The following CTNNA3 variants were observed in gnomAD, a reference collection of about 807,000 sequenced individuals.
The protein encoded by CTNNA3 is catenin alpha 3, also known as catenin alpha-3.
In CTNNA3, 76 loss-of-function variants were observed where a neutral mutation model predicts 95.7. That is an observed-to-expected ratio of 0.79 (90% CI 0.66 to 0.96). The LOEUF (loss-of-function observed/expected upper bound fraction) is 0.96, where lower values mean the gene tolerates loss of function less well. Among genes scored for constraint, CTNNA3 ranks in the 40% least tolerant of loss-of-function variants. CTNNA3 has a pLI of 0.00. For missense variants in CTNNA3, 1,191 were observed against 1,089.8 expected, an observed-to-expected ratio of 1.09 and a Z score of -1.31; for synonymous variants, 431 against 374.4, an observed-to-expected ratio of 1.15 and a Z score of -1.74.
At chr10:66,432,546 A>G (rs940280584) in intron 11 of CTNNA3, among the ~76,000 whole-genome samples, 3 of 151,878 alleles carry the variant, frequency 2.0e-5, no homozygotes. Flanking sequence ...CTGTAGTTCC[A>G]GCTACTTGGG....
At chr10:67,731,592 G>A (rs1841274273) in intron 1 of CTNNA3, among the ~76,000 whole-genome samples, 1 of 152,024 alleles carries the variant, frequency 6.6e-6, no homozygotes, top group Non-Finnish European at 1.5e-5. Context: ...CATGAGGTCA[G>A]GAGATCGAGA....
At chr10:67,054,390 C>G (rs1333709693) in intron 7 of CTNNA3, among the ~76,000 whole-genome samples, 1 of 151,886 alleles carries the variant, frequency 6.6e-6, no homozygotes, top group Non-Finnish European at 1.5e-5. Context: ...GCTAAGTGAC[C>G]AATGAGGACA....
chr10:66,432,509 T>A (rs1432175108), intron 11 of CTNNA3, among the ~76,000 whole-genome samples: 1 of 151,852 alleles, frequency 6.6e-6, no homozygotes, highest in Non-Finnish European at 1.5e-5. Context: ...ATACAAAAAA[T>A]TAGCCGGGCG....
At chr10:67,477,482 G>T (rs1157547714) in intron 5 of CTNNA3, among the ~76,000 whole-genome samples, 6 of 152,062 alleles carry the variant, frequency 3.9e-5, no homozygotes, top group Non-Finnish European at 8.8e-5. Context: ...ACCATAGCCA[G>T]CTTGTAGGTC....
intron 9 of CTNNA3, among the ~76,000 whole-genome samples, chr10:66,657,277 T>C (rs1846102687): frequency 6.6e-6 from 1 of 152,160 alleles, no homozygotes; most frequent in Non-Finnish European, 1.5e-5. Flanking sequence ...TAAGTTTTGA[T>C]CCTGACTTGC....
intron 17 of CTNNA3, among the ~76,000 whole-genome samples, chr10:65,931,046 G>A: frequency 6.6e-6 from 1 of 152,076 alleles, no homozygotes; most frequent in Non-Finnish European, 1.5e-5. Flanking sequence ...GCCACATGTT[G>A]AAAATTTCCT....
At chr10:67,135,643 C>T (rs1860263193) in intron 7 of CTNNA3, among the ~76,000 whole-genome samples, 1 of 152,074 alleles carries the variant, frequency 6.6e-6, no homozygotes, top group Non-Finnish European at 1.5e-5. Context: ...CCACTGCACT[C>T]CAGCCTGGAT....
At chr10:67,245,463 CATGA>C in intron 5 of CTNNA3, among the ~76,000 whole-genome samples, 1 of 152,174 alleles carries the variant, frequency 6.6e-6, no homozygotes, top group South Asian at 2.1e-4. Context: ...ATATTTACTT[CATGA>C]ATGAATGAAC....
intron 5 of CTNNA3, among the ~76,000 whole-genome samples, chr10:67,390,196 G>A (rs1174681662): frequency 2.0e-5 from 3 of 152,084 alleles, no homozygotes; most frequent in Admixed American, 2.0e-4. Context: ...GAATCAAATA[G>A]ATGCAATAAA....
At chr10:66,364,863 TC>T (rs1438516520) in intron 12 of CTNNA3, among the ~76,000 whole-genome samples, 1 of 152,152 alleles carries the variant, frequency 6.6e-6, no homozygotes, top group Non-Finnish European at 1.5e-5. Flanking sequence ...ATGGTTACAG[TC>T]CTCTATGTAT....
At chr10:67,306,914 G>GT (rs1840576934) in intron 5 of CTNNA3, among the ~76,000 whole-genome samples, 1 of 152,170 alleles carries the variant, frequency 6.6e-6, no homozygotes, top group Admixed American at 6.5e-5. Context: ...CCACTTTAAT[G>GT]TAAGTGTTCA....
At chr10:66,311,878 G>A (rs2092026285) in intron 12 of CTNNA3, among the ~76,000 whole-genome samples, 1 of 152,160 alleles carries the variant, frequency 6.6e-6, no homozygotes, top group Non-Finnish European at 1.5e-5. Context: ...TTACGTAGAT[G>A]ATAAGACTTT....
chr10:67,384,560 C>T (rs1844072245), intron 5 of CTNNA3, among the ~76,000 whole-genome samples: 1 of 152,174 alleles, frequency 6.6e-6, no homozygotes, highest in Non-Finnish European at 1.5e-5. Flanking sequence ...ACTAAAATAA[C>T]AGATTCTTGT....
intron 5 of CTNNA3, among the ~76,000 whole-genome samples, chr10:67,433,313 A>G (rs1168525678): frequency 6.6e-6 from 1 of 151,996 alleles, no homozygotes; most frequent in Non-Finnish European, 1.5e-5. Context: ...CACCATCTCA[A>G]ATGGGCTTGG....
At chr10:66,897,684 G>A (rs1845556440) in intron 7 of CTNNA3, among the ~76,000 whole-genome samples, 1 of 151,984 alleles carries the variant, frequency 6.6e-6, no homozygotes, top group Admixed American at 6.6e-5. Flanking sequence ...TTAAATTGTT[G>A]CATATATAGA....
intron 7 of CTNNA3, among the ~76,000 whole-genome samples, chr10:66,898,007 T>G (rs1022802037): frequency 6.6e-6 from 1 of 152,058 alleles, no homozygotes; most frequent in African/African-American, 2.4e-5. Context: ...AAAGTGAAAA[T>G]GTGCTAATGA....
chr10:66,774,532 T>G (rs1840217457), intron 8 of CTNNA3, among the ~76,000 whole-genome samples: 1 of 148,576 alleles, frequency 6.7e-6, no homozygotes, highest in African/African-American at 2.5e-5. Flanking sequence ...TTCAACATTA[T>G]GTTTTTATGC....
intron 5 of CTNNA3, among the ~76,000 whole-genome samples, chr10:67,413,834 C>T (rs1845458634): frequency 6.6e-6 from 1 of 152,036 alleles, no homozygotes; most frequent in African/African-American, 2.4e-5. Context: ...TGAATAACTC[C>T]TGGGTGAACA....
intron 5 of CTNNA3, among the ~76,000 whole-genome samples, chr10:67,336,093 C>T (rs1029905225): frequency 2.6e-5 from 4 of 152,014 alleles, no homozygotes; most frequent in Non-Finnish European, 5.9e-5. Context: ...TGAACAGCAC[C>T]CATAAAAGAA....
Sources: allele counts gnomAD v4.1 joint callset (sites outside exome capture counted in the v4.1 genomes callset), GRCh38; gene constraint gnomAD v4.1.1; transcripts MANE v1.5; gene names NCBI Gene and HGNC (gene_info 2026-07-23, HGNC 2026-07-21).